The following NIT2 variants were observed in gnomAD, a reference collection of about 807,000 sequenced individuals.
The protein encoded by NIT2 is omega-amidase NIT2.
NIT2 carries 46 observed loss-of-function variants against 42.7 expected under a neutral mutation model. The observed-to-expected ratio is 1.08, with a 90% CI of 0.85 to 1.38. The LOEUF (loss-of-function observed/expected upper bound fraction) is 1.38. NIT2 is among the 40% of genes most tolerant of loss of function. The pLI is 0.00. For missense variants in NIT2, 309 were observed against 342.5 expected (o/e 0.90, Z 0.77); for synonymous variants, 123 against 121.9 (o/e 1.01, Z -0.06).
intron 4 of NIT2, among the ~76,000 whole-genome samples, chr3:100,341,476 C>T (rs1173915001): frequency 2.0e-5 from 3 of 152,084 alleles, no homozygotes; most frequent in African/African-American, 7.2e-5. Flanking sequence ...TCACACCATT[C>T]TCCTGCCTCA....
intron 8 of NIT2, among the ~76,000 whole-genome samples, chr3:100,353,092 A>G (rs1235250578): frequency 6.6e-6 from 1 of 152,226 alleles, no homozygotes; most frequent in Non-Finnish European, 1.5e-5. Context: ...CTACTTTCAC[A>G]ACATGGTCTC....
In NIT2 at chr3:100,339,951, C is replaced by A; in HGVS notation, c.247+16C>A. ...CTCATTGGAGGTAACTTCCTACCCACAAGGTATAATGACCTAAACATTAGA... is the reference window on the plus strand; with the variant it reads ...CTCATTGGAGGTAACTTCCTACCCAAAAGGTATAATGACCTAAACATTAGA... On this transcript the variant is annotated intron_variant, in intron 3 of 9. Coordinates refer to ENST00000394140, the MANE Select transcript of NIT2 (RefSeq NM_020202.5). 1.2e-6 allele frequency: 2 copies of A among 1,608,242 alleles called. No individual in the cohort carries two copies. Among genetic ancestry groups the A allele is most frequent in the Non-Finnish European group, 1.7e-6 (2 of 1,176,912 alleles).
intron 6 of NIT2, 113 bp downstream of exon 6, chr3:100,346,368 T>C: frequency 1.1e-6 from 1 of 895,782 alleles, no homozygotes; most frequent in Non-Finnish European, 1.8e-6. Context: ...AATTTCTCCA[T>C]CTTCAGCCCT....
At chr3:100,338,435 G>T (rs182132295) in intron 1 of NIT2, among the ~76,000 whole-genome samples, 1 of 152,348 alleles carries the variant, frequency 6.6e-6, no homozygotes, top group East Asian at 1.9e-4. Context: ...CCTGTCCTGT[G>T]AATAGGCATG....
chr3:100,335,873 T>G (rs1706064159), intron 1 of NIT2, among the ~76,000 whole-genome samples: 1 of 152,112 alleles, frequency 6.6e-6, no homozygotes, highest in South Asian at 2.1e-4. Flanking sequence ...TAGCCCGGTG[T>G]GGTGGCACGC....
intron 2 of NIT2, 76 bp from the exon 3 acceptor site, chr3:100,339,739 C>T: frequency 7.0e-7 from 1 of 1,430,156 alleles, no homozygotes; most frequent in South Asian, 1.3e-5. Flanking sequence ...GAAGCAGCAG[C>T]TATGGCCTCT....
rs1706344287 is a variant in NIT2, at chr3:100,358,410, TTTTTG to T, written c.*3147_*3151del. ...TAATGAATTAGACAATGATGTTTTA[TTTTTG>T]TTTTTTGTTTTTGCATAATACTTTG... On this transcript the variant is annotated 3_prime_UTR_variant, in exon 10 of 10. Coordinates refer to ENST00000394140, the MANE Select transcript of NIT2 (RefSeq NM_020202.5). 6.6e-6 allele frequency: 1 copy of T among 152,206 alleles called. No homozygotes were observed. Among genetic ancestry groups the T allele is most frequent in the African/African-American group, 2.4e-5 (1 of 41,456 alleles). The allele number at this position is 152,206 out of a possible 1,614,324, so 9.4% of individuals were successfully genotyped here. A position where few individuals can be genotyped will look rare whatever the true frequency, so the allele number is the denominator to read the frequency against.
At chr3:100,354,387 G>A (rs1706303849) in intron 8 of NIT2, among the ~76,000 whole-genome samples, 1 of 152,196 alleles carries the variant, frequency 6.6e-6, no homozygotes, top group Non-Finnish European at 1.5e-5. Context: ...ATTGTAAAGG[G>A]GGGGTCCACT....
chr3:100,339,721 C>T, intron 2 of NIT2, 94 bp from the exon 3 acceptor site: 7 of 1,254,324 alleles, frequency 5.6e-6, no homozygotes, highest in Non-Finnish European at 7.8e-6. Flanking sequence ...CGACTGAAAG[C>T]AGAGCTAGAA....
At chr3:100,352,703 C>G (rs1276521958) in intron 8 of NIT2, among the ~76,000 whole-genome samples, 1 of 152,220 alleles carries the variant, frequency 6.6e-6, no homozygotes, top group Non-Finnish European at 1.5e-5. Flanking sequence ...TCACCCTGCT[C>G]TCATGATCAA....
chr3:100,346,008 TTA>T (rs1706212901), intron 5 of NIT2, 171 bp from the exon 6 acceptor site: 1 of 616,044 alleles, frequency 1.6e-6, no homozygotes, highest in Non-Finnish European at 2.9e-6. Flanking sequence ...AATGATGTCT[TTA>T]TGAGATGAAG....
At chr3:100,354,515 C>T (rs1335579725) in intron 8 of NIT2, among the ~76,000 whole-genome samples, 1 of 152,190 alleles carries the variant, frequency 6.6e-6, no homozygotes, top group African/African-American at 2.4e-5. Flanking sequence ...ATTTATGAAA[C>T]ATGATCCATA....
At chr3:100,335,117 G>A (rs1184926808) in intron 1 of NIT2, 3 of 421,776 alleles carry the variant, frequency 7.1e-6, no homozygotes, top group Non-Finnish European at 9.2e-6. Flanking sequence ...GCGGTGGTAG[G>A]ATCCAACTCC....
intron 8 of NIT2, among the ~76,000 whole-genome samples, 161 bp downstream of exon 8, chr3:100,352,663 C>T (rs1706286805): frequency 6.6e-6 from 1 of 152,198 alleles, no homozygotes; most frequent in Non-Finnish European, 1.5e-5. Context: ...GTGAGAGGAG[C>T]TTCCATTTGA....
chr3:100,335,288 G>A (rs528236914), intron 1 of NIT2, among the ~76,000 whole-genome samples: 110 of 152,300 alleles, frequency 7.2e-4, no homozygotes, highest in African/African-American at 2.6e-3. Context: ...CTTTCCCCCT[G>A]CAAGTCCCCT....
chr3:100,353,185 T>G (rs1427529856), intron 8 of NIT2, among the ~76,000 whole-genome samples: 1 of 152,350 alleles, frequency 6.6e-6, no homozygotes, highest in East Asian at 1.9e-4. Context: ...GAATTCCAGA[T>G]GTAGCGGCTA....
rs751872087 is a variant in NIT2 at position 100,334,811 on chromosome 3, GC to G, written c.7+15del. Reference sequence around the variant, plus strand: ...AGAGTCATGACCTGTAAGTGGCGCGGCCGCGCGCTGCAGCTCGAGTTCGGGC... The same window carrying G: ...AGAGTCATGACCTGTAAGTGGCGCGGCGCGCGCTGCAGCTCGAGTTCGGGC... On this transcript the variant is annotated intron_variant, in intron 1 of 9. Coordinates refer to ENST00000394140, the MANE Select transcript of NIT2 (RefSeq NM_020202.5). 2 of 1,299,814 alleles carry G rather than the reference GC, an allele frequency of 1.5e-6. No homozygotes were observed. The highest frequency in any genetic ancestry group is 6.2e-5 in the Admixed American group (2 of 32,252). 80.5% of individuals were successfully genotyped at this position (1,299,814 alleles called of 1,614,324 possible). A position where few individuals can be genotyped will look rare whatever the true frequency, so the allele number is the denominator to read the frequency against.
At chr3:100,348,036 G>A (rs149663886) in intron 6 of NIT2, among the ~76,000 whole-genome samples, 1 of 152,136 alleles carries the variant, frequency 6.6e-6, no homozygotes, top group African/African-American at 2.4e-5. Context: ...GATTATAGGC[G>A]CTCGCCACCA....
In NIT2 at chr3:100,355,334, T is replaced by A; in HGVS notation, c.*66T>A. 8.1e-7 allele frequency: 1 copy of A among 1,228,718 alleles called. No homozygotes were observed. The highest frequency in any genetic ancestry group is 1.2e-6 in the Non-Finnish European group (1 of 858,958). 76.1% of individuals were successfully genotyped at this position (1,228,718 alleles called of 1,614,324 possible). On this transcript the variant is annotated 3_prime_UTR_variant, in exon 10 of 10. Transcript: ENST00000394140. The stretch of plus-strand genomic sequence containing the variant: ...TTCTACAACATAATCAACTCCCTAT[T>A]AAATTCTTTAATGAAGATTTTTTTT...
Sources: gnomAD v4.1 joint callset for allele counts (sites outside exome capture counted in the v4.1 genomes callset) on GRCh38, gnomAD v4.1.1 for gene constraint, MANE v1.5 for transcripts, NCBI Gene and HGNC (gene_info 2026-07-23, HGNC 2026-07-21) for gene names.